INTS1: variants seen among roughly 807,000 people sequenced by gnomAD.
INTS1 encodes integrator complex subunit 1.
In INTS1, 137 loss-of-function variants were observed where a neutral mutation model predicts 241.6. The observed-to-expected ratio is 0.57, with a 90% CI of 0.49 to 0.65. The LOEUF (loss-of-function observed/expected upper bound fraction) is 0.65, where lower values mean the gene tolerates loss of function less well. Ranked by LOEUF, INTS1 falls within the 30% of genes least tolerant of loss-of-function variation. INTS1 has a pLI of 0.00. For synonymous variants in INTS1, 1,692 were observed against 1,337.8 expected (o/e 1.26, Z -5.78); for missense variants, 3,073 against 3,032.2 (o/e 1.01, Z -0.32).
intron 42 of INTS1, 147 bp from the exon 43 acceptor site, chr7:1,473,331 GC>G (rs1270149296): frequency 1.4e-6 from 1 of 714,564 alleles, no homozygotes; most frequent in Non-Finnish European, 2.3e-6. Context: ...GGGCGGGGAA[GC>G]CACATGTGCG....
rs1351978645 is a variant in INTS1, at chr7:1,499,825, G to A, written c.684+59C>T. ...GAGAACACACTTCTGCTTTTCTCTC[G>A]CCCCTGCCCCACCCCGTGGCGCTCT... On this transcript the variant is annotated intron_variant, in intron 5 of 47. Coordinates refer to ENST00000404767, the MANE Select transcript of INTS1 (RefSeq NM_001080453.3). 3.8e-5 allele frequency: 60 copies of A among 1,559,486 alleles called. No individual in the cohort carries two copies. In the East Asian group the frequency reaches 8.7e-4, roughly 23 times the overall value.
chr7:1,476,273 C>A lies in INTS1; in HGVS notation c.5334G>T (p.Lys1778Asn), dbSNP rs1295341371. Residue 1778 changes from lysine to asparagine, a missense_variant, in exon 38 of 48, where the codon AAG becomes AAT. By Grantham distance (94) the Lys-to-Asn change is moderately conservative (BLOSUM62 0). Coordinates refer to ENST00000404767, the MANE Select transcript of INTS1 (RefSeq NM_001080453.3). ...CCCGDDESVRKVTEHLSGCIQ... is the reference protein window; with the variant it reads ...CCCGDDESVRNVTEHLSGCIQ... ...TGCAGCCTGACAGGTGCTCCGTCAC[C>A]TTCCTGACACTCTCATCGTCCCCAC... 6.3e-7 allele frequency: 1 copy of A among 1,579,558 alleles called. No homozygotes were observed. The highest frequency in any genetic ancestry group is 8.6e-7 in the Non-Finnish European group (1 of 1,164,500).
Position 1,475,868 on chromosome 7 carries a change from C to T in INTS1, c.5502+80G>A, listed in dbSNP as rs1198151727. ...AGGGGTAGCCGGCGATGGCCATGTA[C>T]ACTGTGGCCTCCGCCCTCCCTCCCT... is the stretch of plus-strand genomic sequence containing the variant. On this transcript the variant is annotated intron_variant, in intron 39 of 47. Coordinates refer to ENST00000404767, the MANE Select transcript of INTS1 (RefSeq NM_001080453.3). 3 of 1,485,998 alleles carry T rather than the reference C, an allele frequency of 2.0e-6. No homozygotes were observed. In the East Asian group the frequency reaches 7.5e-5, roughly 37 times the overall value. The allele number at this position is 1,485,998 out of a possible 1,614,324, so 92.1% of individuals were successfully genotyped here.
Position 1,495,538 on chromosome 7 carries a change from C to T in INTS1, c.1727G>A (p.Arg576His), listed in dbSNP as rs768590543. 34 of 1,610,698 alleles carry T rather than the reference C, an allele frequency of 2.1e-5. No individual in the cohort carries two copies. Among genetic ancestry groups the T allele is most frequent in the Non-Finnish European group, 2.2e-5 (26 of 1,179,252 alleles). Residue 576 changes from arginine (R) to histidine (H), a missense_variant, in exon 13 of 48, where the codon CGC becomes CAC. Arg to His is a conservative substitution (Grantham distance 29). Coordinates refer to ENST00000404767, the MANE Select transcript of INTS1 (RefSeq NM_001080453.3). The stretch of plus-strand genomic sequence containing the variant: ...GGCGGCAATCTGGTTCTGGAATGAG[C>T]GGAGCACTTCCAGGTCTGAAACAGA... ...KGEKRNLEVL[R>H]SFQNQIAAIQ...
chr7:1,483,924 G>A lies in INTS1; in HGVS notation c.3430-71C>T, dbSNP rs962844503. On this transcript the variant is annotated intron_variant, in intron 25 of 47. Coordinates refer to ENST00000404767, the MANE Select transcript of INTS1 (RefSeq NM_001080453.3). ...GAGCCAGCGCCGAGGGTACCCAGCTGGCACCGAGCGTGCCGTGCAGCCTCA... is the reference window on the plus strand; with the variant it reads ...GAGCCAGCGCCGAGGGTACCCAGCTAGCACCGAGCGTGCCGTGCAGCCTCA... 1.8e-5 allele frequency: 29 copies of A among 1,584,592 alleles called. No homozygotes were observed. The African/African-American group carries it at 2.3e-4, about 12-fold the overall frequency.
Position 1,489,681 on chromosome 7 carries a change from AC to A in INTS1, c.2166del (p.Tyr723ThrfsTer41). Reference protein sequence around the residue: ...HHPENIQLPPGYQPPNLAIST... With the variant: ...HHPENIQLPPXYQPPNLAIST... The stretch of plus-strand genomic sequence containing the variant: ...GAGATGGCGAGGTTCGGAGGCTGGT[AC>A]CTGGAAGGCAGGGGCGCCCCGACTC... On this transcript the variant is annotated frameshift_variant and splice_region_variant, in exon 17 of 48. Coordinates refer to ENST00000404767, the MANE Select transcript of INTS1 (RefSeq NM_001080453.3). LOFTEE classifies it high-confidence loss of function. 6.5e-7 allele frequency: 1 copy of A among 1,538,552 alleles called. No individual in the cohort carries two copies. Among genetic ancestry groups the A allele is most frequent in the Non-Finnish European group, 8.8e-7 (1 of 1,140,840 alleles).
Position 1,479,466 on chromosome 7 carries a change from C to A in INTS1, c.4293G>T (p.Leu1431=). The A allele has an allele frequency of 6.3e-7, 1 of 1,579,148 alleles. No homozygotes were observed. Among genetic ancestry groups the A allele is most frequent in the African/African-American group, 1.3e-5 (1 of 74,346 alleles). The part of the protein sequence containing the change: ...LVMSMHRSHF[L]ACPLLRQLCQ... The stretch of plus-strand genomic sequence containing the variant: ...AGAGCTGGCGCAGCAGCGGGCAGGC[C>A]AGGAAGTGGCTACGGTGCATGGACA... Residue 1431 remains leucine (L), a synonymous_variant, in exon 31 of 48, where the codon CTG becomes CTT. Transcript: ENST00000404767.
At chr7:1,474,648 C>G (rs769156958) in intron 40 of INTS1, 57 bp downstream of exon 40, 3 of 1,510,882 alleles carry the variant, frequency 2.0e-6, no homozygotes, top group East Asian at 5.0e-5. Flanking sequence ...GCTGGAGAGC[C>G]GCAGACCCCC....
rs751579078 is a variant in INTS1 at position 1,476,900 on chromosome 7, C to A, written c.4957G>T (p.Val1653Leu). Residue 1653 changes from valine (V) to leucine (L), a missense_variant, in exon 36 of 48, where the codon GTG becomes TTG. Physicochemically the swap from Val to Leu is conservative, Grantham distance 32 (BLOSUM62 1). Transcript: ENST00000404767. ...AGGAGGTAGGGACGGAACGAGGGCA[C>A]CTGGGCCTGACCTTTGCCCTGGGGA... ...SRRKGKGQAQ[V>L]PSFRPYLLTL... The A allele has an allele frequency of 2.0e-5, 33 of 1,611,692 alleles. No homozygotes were observed. The highest frequency in any genetic ancestry group is 2.7e-5 in the Non-Finnish European group (32 of 1,179,598).
intron 8 of INTS1, 45 bp downstream of exon 8, chr7:1,498,930 G>GGCCCCCCCCCC: frequency 6.8e-7 from 1 of 1,460,188 alleles, no homozygotes; most frequent in Non-Finnish European, 9.3e-7. Flanking sequence ...CACAGAGCCT[G>GGCCCCCCCCCC]CCCCCACCCC....
At chr7:1,494,369 C>A (rs1015951604) in intron 14 of INTS1, 1 of 233,668 alleles carries the variant, frequency 4.3e-6, no homozygotes, top group African/African-American at 2.3e-5. Flanking sequence ...CCAGGCGGGG[C>A]TGGAGGGGAG....
intron 40 of INTS1, 81 bp downstream of exon 40, chr7:1,474,624 C>A: frequency 6.8e-7 from 1 of 1,467,172 alleles, no homozygotes; most frequent in Admixed American, 2.3e-5. Context: ...TGGAGTTTTG[C>A]TCTTGTTGCC....
chr7:1,499,655 GC>G, intron 5 of INTS1, 23 bp from the exon 6 acceptor site: 1 of 1,575,966 alleles, frequency 6.3e-7, no homozygotes, highest in Non-Finnish European at 8.7e-7. Flanking sequence ...CACACCCTCA[GC>G]CCCGAGCCCA....
At chr7:1,471,438 C>T in intron 45 of INTS1, 133 bp downstream of exon 45, 2 of 1,090,568 alleles carry the variant, frequency 1.8e-6, no homozygotes, top group Non-Finnish European at 2.7e-6. Context: ...TGGGCTGGGG[C>T]CCCCACCCGA....
In INTS1 at chr7:1,477,607, G is replaced by T; in HGVS notation, c.4881C>A (p.Pro1627=). The T allele has an allele frequency of 6.4e-7, 1 of 1,574,298 alleles. No individual in the cohort carries two copies. The highest frequency in any genetic ancestry group is 8.6e-7 in the Non-Finnish European group (1 of 1,161,742). Residue 1627 remains proline, a synonymous_variant, in exon 35 of 48, where the codon CCC becomes CCA. Transcript: ENST00000404767. ...LLVDWLEMLD[P]EVVSSCPDLQ... ...GGTCGGGGCAGCTGCTGACCACCTC[G>T]GGGTCCAGCATTTCCAGCCAGTCCA... is the stretch of plus-strand genomic sequence containing the variant.
At chr7:1,502,657 ACAACT>A (rs1783247122) in intron 3 of INTS1, among the ~76,000 whole-genome samples, 1 of 152,154 alleles carries the variant, frequency 6.6e-6, no homozygotes, top group Non-Finnish European at 1.5e-5. Flanking sequence ...CATGAGACAA[ACAACT>A]CAATAAGGGA....
At position 1,482,522 on chromosome 7, in the gene INTS1, G is replaced by A. The variant is rs773827344; in HGVS notation, c.3703+24C>T. 61 of 1,581,566 alleles carry A rather than the reference G, an allele frequency of 3.9e-5. No individual in the cohort carries two copies. In the Middle Eastern group the frequency reaches 5.1e-4, roughly 13 times the overall value. ...CGGGACCCCTGAGTCAGCAGCCCCT[G>A]CCCAAGCCCAGCCTGGACCGTACCG... is the stretch of plus-strand genomic sequence containing the variant. On this transcript the variant is annotated intron_variant, in intron 27 of 47. Transcript: ENST00000404767.
At chr7:1,472,665 G>A (rs1781525082) in intron 43 of INTS1, among the ~76,000 whole-genome samples, 1 of 152,222 alleles carries the variant, frequency 6.6e-6, no homozygotes, top group South Asian at 2.1e-4. Context: ...CCCGGGCCTG[G>A]CGCTCTTCCG....
chr7:1,477,946 G>A lies in INTS1; in HGVS notation c.4631-10C>T, dbSNP rs1349877402. On this transcript the variant is annotated splice_polypyrimidine_tract_variant and intron_variant, in intron 33 of 47. Transcript: ENST00000404767. ...ATCAGCCCCTGGAGGACTGCGCAAGGGACAAAGAGACATGTGGGTCACTCC... is the reference window on the plus strand; with the variant it reads ...ATCAGCCCCTGGAGGACTGCGCAAGAGACAAAGAGACATGTGGGTCACTCC... 6.2e-7 allele frequency: 1 copy of A among 1,611,568 alleles called. No homozygotes were observed. Among genetic ancestry groups the A allele is most frequent in the African/African-American group, 1.3e-5 (1 of 75,054 alleles).
Sources: allele counts gnomAD v4.1 joint callset (sites outside exome capture counted in the v4.1 genomes callset), GRCh38; gene constraint gnomAD v4.1.1; transcripts MANE v1.5; gene names NCBI Gene and HGNC (gene_info 2026-07-23, HGNC 2026-07-21).